Variants in GSDMC observed in about 807,000 individuals in gnomAD.
The protein encoded by GSDMC is gasdermin C, also known as gasdermin-C.
Under a neutral mutation model 58.0 loss-of-function variants are expected in GSDMC, and 59 were observed. That is an observed-to-expected ratio of 1.02 (90% confidence interval 0.82 to 1.26). The LOEUF is 1.26. Ranked by LOEUF, GSDMC falls within the 50% of genes most tolerant of loss-of-function variation. GSDMC has a pLI of 0.00. For missense variants in GSDMC, 659 were observed against 598.5 expected, an observed-to-expected ratio of 1.10 and a Z score of -1.06; for synonymous variants, 241 against 220.2, an observed-to-expected ratio of 1.09 and a Z score of -0.83.
At chr8:129,720,926 G>T in the GSDMC span, among the ~76,000 whole-genome samples, 1 of 152,212 alleles carries the variant, frequency 6.6e-6, no homozygotes, top group South Asian at 2.1e-4. Context: ...ATACTGGGAA[G>T]CCCAACCTCA....
chr8:129,785,231 T>G (rs368056640), intron 1 of GSDMC, among the ~76,000 whole-genome samples: 3 of 152,142 alleles, frequency 2.0e-5, no homozygotes, highest in East Asian at 3.9e-4. Context: ...TGAGATCCTG[T>G]CATTCGCAAC....
chr8:129,761,946 T>C (rs2033679151), intron 5 of GSDMC, among the ~76,000 whole-genome samples: 1 of 152,138 alleles, frequency 6.6e-6, no homozygotes, highest in Non-Finnish European at 1.5e-5. Context: ...AAGGAGGAGC[T>C]GAACTCGATC....
the GSDMC span, chr8:129,729,154 G>C: frequency 1.5e-6 from 1 of 665,368 alleles, no homozygotes; most frequent in African/African-American, 1.8e-5. Flanking sequence ...AGGCAATGTT[G>C]TTTACTTCAG....
rs546548010 is a variant in GSDMC, at chr8:129,765,440, G to A, written c.570+188C>T. ...ACCCCGTATAGTAAAACACTGTAAC[G>A]GAGGATATTAGAATATACTCTCAGA... On this transcript the variant is annotated intron_variant, in intron 4 of 13. Transcript: ENST00000276708. Among the ~76,000 whole-genome samples, 12 of 152,134 alleles carry A rather than the reference G, an allele frequency of 7.9e-5. No homozygotes were observed. In the East Asian group the frequency reaches 9.6e-4, roughly 12 times the overall value.
At chr8:129,737,533 A>C in the GSDMC span, among the ~76,000 whole-genome samples, 1 of 152,240 alleles carries the variant, frequency 6.6e-6, no homozygotes, top group Admixed American at 6.5e-5. Context: ...AAAAACAAGA[A>C]ATGGGGAAAG....
intron 4 of GSDMC, among the ~76,000 whole-genome samples, chr8:129,763,740 C>T (rs551301089): frequency 9.2e-5 from 14 of 152,064 alleles, no homozygotes; most frequent in Non-Finnish European, 7.4e-5. Flanking sequence ...CCGCACCTGG[C>T]TAATTTTTTG....
At chr8:129,721,114 T>A in the GSDMC span, among the ~76,000 whole-genome samples, 1 of 152,344 alleles carries the variant, frequency 6.6e-6, no homozygotes, top group South Asian at 2.1e-4. Flanking sequence ...ATCCTAAACC[T>A]GGGTCTTCCA....
chr8:129,731,985 G>T, the GSDMC span, among the ~76,000 whole-genome samples: 1 of 152,122 alleles, frequency 6.6e-6, no homozygotes, highest in East Asian at 1.9e-4. Flanking sequence ...AGAACGTGGT[G>T]CTGTCTGGCA....
chr8:129,728,002 C>G, the GSDMC span, among the ~76,000 whole-genome samples: 1,160 of 152,282 alleles, frequency 7.6e-3, 16 homozygotes, highest in African/African-American at 0.026. Flanking sequence ...AGGGCCCTCT[C>G]CACTCCACCC....
the GSDMC span, among the ~76,000 whole-genome samples, chr8:129,729,579 C>T: frequency 8.4e-4 from 127 of 152,060 alleles, 1 homozygote; most frequent in Admixed American, 1.2e-3. Context: ...TTTGTTCTTG[C>T]GATAGTTTGC....
intron 3 of GSDMC, among the ~76,000 whole-genome samples, chr8:129,771,859 A>G (rs998082413): frequency 1.3e-5 from 2 of 152,254 alleles, no homozygotes; most frequent in Admixed American, 6.5e-5. Flanking sequence ...AACATACCAA[A>G]ACTTATGGGA....
Position 129,776,027 on chromosome 8 carries a change from G to A in GSDMC, c.404+75C>T. The A allele has an allele frequency of 3.5e-6, 4 of 1,137,570 alleles. No homozygotes were observed. In the South Asian group the frequency reaches 4.6e-5, roughly 13 times the overall value. The allele number at this position is 1,137,570 out of a possible 1,614,324, so 70.5% of individuals were successfully genotyped here. A position where few individuals can be genotyped will look rare whatever the true frequency, so the allele number is the denominator to read the frequency against. On this transcript the variant is annotated intron_variant, in intron 3 of 13. Coordinates refer to ENST00000276708, the MANE Select transcript of GSDMC (RefSeq NM_031415.3). ...TTCATCCCTACAACAAGACTTGCTA[G>A]ATGTATTTTTGTGTTCAAGGAAAAC...
chr8:129,728,435 T>C, the GSDMC span, among the ~76,000 whole-genome samples: 1 of 152,164 alleles, frequency 6.6e-6, no homozygotes, highest in Admixed American at 6.5e-5. Flanking sequence ...AATAGGGGAC[T>C]GAGGAAGTTT....
At chr8:129,742,314 T>C in the GSDMC span, among the ~76,000 whole-genome samples, 1 of 152,140 alleles carries the variant, frequency 6.6e-6, no homozygotes, top group South Asian at 2.1e-4. Flanking sequence ...GATAGATATA[T>C]TAATGTGCTT....
At chr8:129,741,254 ATATAT>A in the GSDMC span, among the ~76,000 whole-genome samples, 1 of 152,062 alleles carries the variant, frequency 6.6e-6, no homozygotes, top group Non-Finnish European at 1.5e-5. Context: ...TATCTTTATA[ATATAT>A]TTTTAAAATC....
the GSDMC span, among the ~76,000 whole-genome samples, chr8:129,732,842 G>A: frequency 2.0e-5 from 3 of 152,182 alleles, no homozygotes; most frequent in South Asian, 2.1e-4. Context: ...AGGGCAAGCT[G>A]AAGCAGGGTG....
rs770331372 is a variant in GSDMC at position 129,751,886 on chromosome 8, C to A, written c.892G>T (p.Glu298Ter). ...QFLSGHLPKY[E>*]QVHILPVGRI... ...CCTACTGGGAGGATGTGAACTTGTT[C>A]GTATTCTAAAAAAAGAAATGAAATT... Residue 298 changes from glutamate to a stop codon, truncating the protein, a stop_gained, in exon 9 of 14, where the codon GAA becomes TAA. Coordinates refer to ENST00000276708, the MANE Select transcript of GSDMC (RefSeq NM_031415.3). LOFTEE classifies it high-confidence loss of function. 12 of 1,600,514 alleles carry A rather than the reference C, an allele frequency of 7.5e-6. No individual in the cohort carries two copies. The East Asian group carries it at 2.0e-4, about 27-fold the overall frequency.
At position 129,784,325 on chromosome 8, in the gene GSDMC, A is replaced by G. The variant is rs192428927; in HGVS notation, c.-5+1686T>C. Among the ~76,000 whole-genome samples, 6 of 152,306 alleles carry G rather than the reference A, an allele frequency of 3.9e-5. No individual in the cohort carries two copies. In the East Asian group the frequency reaches 1.2e-3, roughly 29 times the overall value. On this transcript the variant is annotated intron_variant, in intron 1 of 13. Coordinates refer to ENST00000276708, the MANE Select transcript of GSDMC (RefSeq NM_031415.3). ...AAGAGAACCCACAGAATGGGAGAAA[A>G]TATTTGCAAACTTCCCATCTGATAA...
At chr8:129,744,209 C>T (rs1384596831), downstream of GSDMC, among the ~76,000 whole-genome samples, 1 of 152,166 alleles carries the variant, frequency 6.6e-6, no homozygotes, top group African/African-American at 2.4e-5. Context: ...CTGGGGCAAT[C>T]TTAGGACTCC....
Sources: allele counts gnomAD v4.1 joint callset (sites outside exome capture counted in the v4.1 genomes callset), GRCh38; gene constraint gnomAD v4.1.1; transcripts MANE v1.5; gene names NCBI Gene and HGNC (gene_info 2026-07-23, HGNC 2026-07-21).